Variants in AMY2B observed in about 807,000 individuals in gnomAD.
AMY2B encodes amylase alpha 2B, also known as alpha-amylase 2B.
Under a neutral mutation model 59.3 loss-of-function variants are expected in AMY2B, and 63 were observed. The ratio of observed to expected loss-of-function variants is 1.06; its 90% CI spans 0.87 to 1.31. The LOEUF is 1.31. Among genes scored for constraint, AMY2B ranks in the 50% most tolerant of loss-of-function variants. AMY2B has a pLI of 0.00. For missense variants in AMY2B, 635 were observed against 626.7 expected (o/e 1.01, Z -0.14); for synonymous variants, 180 against 198.1 (o/e 0.91, Z 0.77).
chr1:103,574,884 TG>T (rs1652283609), intron 5 of AMY2B, among the ~76,000 whole-genome samples: 1 of 151,492 alleles, frequency 6.6e-6, no homozygotes, highest in Non-Finnish European at 1.5e-5. Flanking sequence ...TAAATGATAA[TG>T]TGCTGAAACC....
rs750004107 is a variant in AMY2B at position 103,574,305 on chromosome 1, G to A, written c.790G>A (p.Gly264Arg). 7 of 1,611,506 alleles carry A rather than the reference G, an allele frequency of 4.3e-6. No individual in the cohort carries two copies. In the African/African-American group the frequency reaches 9.4e-5, roughly 22 times the overall value. ...GCCAATTAAAAGCAGTGACTACTTTGGAAATGGCCGGGTGACAGAATTCAA... is the reference window on the plus strand; with the variant it reads ...GCCAATTAAAAGCAGTGACTACTTTAGAAATGGCCGGGTGACAGAATTCAA... ...GEPIKSSDYF[G>R]NGRVTEFKYG... is the part of the protein sequence containing the mutation. Residue 264 changes from glycine to arginine, a missense_variant, in exon 5 of 10, where the codon GGA becomes AGA. Physicochemically the swap from Gly to Arg is moderately radical, Grantham distance 125. Transcript: ENST00000684275.
rs953390112 is a variant in AMY2B at position 103,577,615 on chromosome 1, A to G, written c.1220+7A>G. 4 of 1,611,896 alleles carry G rather than the reference A, an allele frequency of 2.5e-6. No individual in the cohort carries two copies. In the Admixed American group the frequency reaches 6.7e-5, roughly 27 times the overall value. On this transcript the variant is annotated splice_region_variant and intron_variant, in intron 8 of 9. Transcript: ENST00000684275. ...ATCGATGGCGCCAAATAAGGTGAGA[A>G]TATGTATTTAGACATGTCCTCTAAT...
upstream of AMY2B, chr1:103,569,044 G>T (rs994395484): frequency 6.6e-6 from 1 of 151,966 alleles, no homozygotes; most frequent in African/African-American, 2.4e-5. Context: ...TGAGCAAAAG[G>T]GGGAAAAGCC....
chr1:103,572,889 G>A (rs1652191561), intron 2 of AMY2B, among the ~76,000 whole-genome samples, 174 bp from the exon 3 acceptor site: 1 of 152,096 alleles, frequency 6.6e-6, no homozygotes, highest in Non-Finnish European at 1.5e-5. Context: ...AAGGCATGTA[G>A]GTGTTTAGTT....
At chr1:103,570,573 G>A (rs1312188042), upstream of AMY2B, 28 of 599,562 alleles carry the variant, frequency 4.7e-5, no homozygotes, top group East Asian at 6.1e-4. Flanking sequence ...GTGGATCAGC[G>A]GCTCCATCCT....
intron 9 of AMY2B, 100 bp downstream of exon 9, chr1:103,577,945 G>T: frequency 5.8e-6 from 9 of 1,565,156 alleles, no homozygotes; most frequent in African/African-American, 1.4e-5. Flanking sequence ...GAAAAATCAT[G>T]TAGTCAGTGG....
At position 103,557,799 on chromosome 1, in the gene AMY2B, G is replaced by A. The variant is rs150727410; in HGVS notation, c.-207+2690G>A. On this transcript the variant is annotated intron_variant, in intron 1 of 11. Coordinates refer to the AMY2B transcript ENST00000361355. ...GAAACTTTTCAAAGCTTAGAAAAAG[G>A]TAACTACATAAAATTCCATTATATG... Among the ~76,000 whole-genome samples, 727 of 152,144 alleles carry A rather than the reference G, an allele frequency of 4.8e-3. 5 individuals are homozygous for A. Among genetic ancestry groups the A allele is most frequent in the South Asian group, 8.7e-3 (42 of 4,828 alleles).
At chr1:103,576,833 A>G in intron 7 of AMY2B, among the ~76,000 whole-genome samples, 1 of 152,212 alleles carries the variant, frequency 6.6e-6, no homozygotes, top group East Asian at 1.9e-4. Context: ...ATGTATGTTG[A>G]TTAAATTTTC....
chr1:103,571,143 T>C, upstream of AMY2B: 1 of 970,130 alleles, frequency 1.0e-6, no homozygotes, highest in Non-Finnish European at 1.3e-6. Flanking sequence ...GGACCCAGTT[T>C]CCTTTCTTAG....
intron 7 of AMY2B, among the ~76,000 whole-genome samples, chr1:103,576,889 G>T (rs956456515): frequency 6.6e-6 from 1 of 152,122 alleles, no homozygotes; most frequent in African/African-American, 2.4e-5. Context: ...GGTGTTTCTG[G>T]TACTAATGCC....
chr1:103,564,554 T>C (rs1467262098), intron 1 of AMY2B, among the ~76,000 whole-genome samples: 1 of 152,158 alleles, frequency 6.6e-6, no homozygotes, highest in African/African-American at 2.4e-5. Context: ...CTGTACCCCA[T>C]CATTTATAAA....
intron 1 of AMY2B, among the ~76,000 whole-genome samples, chr1:103,559,208 G>A (rs987762740): frequency 6.6e-6 from 1 of 152,132 alleles, no homozygotes; most frequent in African/African-American, 2.4e-5. Flanking sequence ...TGGTGGTCCA[G>A]TTAAGTTTAT....
At chr1:103,576,628 T>A (rs1652365475) in intron 7 of AMY2B, among the ~76,000 whole-genome samples, 1 of 152,174 alleles carries the variant, frequency 6.6e-6, no homozygotes, top group Non-Finnish European at 1.5e-5. Flanking sequence ...AACATAATAT[T>A]AAAACTGGTG....
chr1:103,562,454 A>C (rs1190023111), intron 1 of AMY2B, among the ~76,000 whole-genome samples: 1 of 152,176 alleles, frequency 6.6e-6, no homozygotes, highest in Admixed American at 6.5e-5. Context: ...TGGTGGTTGA[A>C]GGTTTACTAT....
At chr1:103,566,141 C>G (rs1343089885) in intron 2 of AMY2B, among the ~76,000 whole-genome samples, 2 of 152,128 alleles carry the variant, frequency 1.3e-5, no homozygotes, top group Non-Finnish European at 2.9e-5. Flanking sequence ...TTACCTATCT[C>G]TTTTCATTGA....
intron 3 of AMY2B, 133 bp downstream of exon 3, chr1:103,573,393 T>G (rs1452563438): frequency 2.1e-6 from 3 of 1,454,864 alleles, no homozygotes; most frequent in Non-Finnish European, 2.8e-6. Context: ...GTTTGACTAC[T>G]TTAAGAAACT....
upstream of AMY2B, among the ~76,000 whole-genome samples, chr1:103,566,794 T>G (rs1326621658): frequency 6.6e-6 from 1 of 152,164 alleles, no homozygotes; most frequent in Non-Finnish European, 1.5e-5. Flanking sequence ...GTACAACACT[T>G]TTGCTAGGAT....
chr1:103,557,150 GCA>G (rs746677345), intron 1 of AMY2B, among the ~76,000 whole-genome samples: 4,368 of 147,876 alleles, frequency 0.03, 174 homozygotes, highest in African/African-American at 0.095. Flanking sequence ...GTGCGCGCGC[GCA>G]CACACACACA....
At chr1:103,570,024 G>T (rs1349327897), upstream of AMY2B, 3 of 435,196 alleles carry the variant, frequency 6.9e-6, no homozygotes, top group African/African-American at 4.1e-5. Context: ...TTGGAGATGG[G>T]GTCACCCACA....
Sources: gnomAD v4.1 joint callset for allele counts (sites outside exome capture counted in the v4.1 genomes callset) on GRCh38, gnomAD v4.1.1 for gene constraint, MANE v1.5 for transcripts, NCBI Gene and HGNC (gene_info 2026-07-23, HGNC 2026-07-21) for gene names.